Variants in FXR1 observed in about 807,000 individuals in gnomAD.
The protein encoded by FXR1 is FMR1 autosomal homolog 1.
Under a neutral mutation model 84.0 loss-of-function variants are expected in FXR1, and 15 were observed. The ratio of observed to expected loss-of-function variants is 0.18; its 90% confidence interval spans 0.12 to 0.27. The LOEUF (loss-of-function observed/expected upper bound fraction) is 0.27. Ranked by LOEUF, FXR1 falls within the 10% of genes least tolerant of loss-of-function variation. The pLI is 1.00. For synonymous variants in FXR1, 245 were observed against 250.7 expected (o/e 0.98, Z 0.21); for missense variants, 480 against 774.4 (o/e 0.62, Z 4.51).
chr3:180,961,083 T>C (rs1052721869), intron 10 of FXR1, among the ~76,000 whole-genome samples: 1 of 152,004 alleles, frequency 6.6e-6, no homozygotes, highest in African/African-American at 2.4e-5. Flanking sequence ...GTAACCTCTT[T>C]ACGAAGTCAA....
At chr3:180,935,601 G>GT (rs1559986848) in intron 3 of FXR1, among the ~76,000 whole-genome samples, 4 of 152,230 alleles carry the variant, frequency 2.6e-5, no homozygotes, top group South Asian at 4.1e-4. Context: ...TCTTTATGAG[G>GT]TGTTAATAGT....
In FXR1 at chr3:180,941,976, T is replaced by C. The variant is rs551377913; in HGVS notation, c.199-5889T>C. ...CCTTATGATTGATTATTTAGTTTAA[T>C]AGTAAATAATAGGAAAATTTCTTTG... On this transcript the variant is annotated intron_variant, in intron 3 of 16. Coordinates refer to ENST00000357559, the MANE Select transcript of FXR1 (RefSeq NM_005087.4). 3.2e-4 allele frequency among the ~76,000 whole-genome samples: 49 copies of C among 152,342 alleles called. 1 individual carries two copies. In the South Asian group the frequency reaches 9.7e-3, roughly 30 times the overall value.
At chr3:180,947,354 G>T (rs979914597) in intron 3 of FXR1, among the ~76,000 whole-genome samples, 4 of 152,144 alleles carry the variant, frequency 2.6e-5, no homozygotes, top group East Asian at 1.9e-4. Flanking sequence ...GCCTGGATAG[G>T]AATTTTGTAA....
intron 1 of FXR1, among the ~76,000 whole-genome samples, chr3:180,927,475 T>C (rs1719362736): frequency 6.6e-6 from 1 of 152,140 alleles, no homozygotes; most frequent in Non-Finnish European, 1.5e-5. Context: ...TATTAATCTT[T>C]TAACTCCTGA....
At chr3:180,926,506 A>ATATTTTTT (rs72192827) in intron 1 of FXR1, among the ~76,000 whole-genome samples, 74 of 124,360 alleles carry the variant, frequency 6.0e-4, no homozygotes, top group Middle Eastern at 8.4e-3. Flanking sequence ...ATATATATAT[A>ATATTTTTT]TTTTTTTTTC....
At chr3:180,945,289 T>C (rs1343416911) in intron 3 of FXR1, among the ~76,000 whole-genome samples, 1 of 152,262 alleles carries the variant, frequency 6.6e-6, no homozygotes, top group Non-Finnish European at 1.5e-5. Flanking sequence ...TTTTTGCATT[T>C]CATTATCTTT....
At chr3:180,929,910 G>A (rs115555658) in intron 1 of FXR1, among the ~76,000 whole-genome samples, 3,562 of 152,320 alleles carry the variant, frequency 0.023, 72 homozygotes, top group Non-Finnish European at 0.038. Flanking sequence ...TAGATTTTAA[G>A]GACTTGGTGT....
intron 1 of FXR1, among the ~76,000 whole-genome samples, chr3:180,924,840 T>A (rs1718982631): frequency 6.6e-6 from 1 of 152,190 alleles, no homozygotes; most frequent in African/African-American, 2.4e-5. Flanking sequence ...TCAGAGGCAC[T>A]GTACCATGAA....
chr3:180,970,306 G>C lies in FXR1; in HGVS notation c.1551G>C (p.Leu517=), dbSNP rs1177252285. Residue 517 remains leucine, a synonymous_variant, in exon 15 of 17, where the codon CTG becomes CTC. Coordinates refer to ENST00000357559, the MANE Select transcript of FXR1 (RefSeq NM_005087.4). ...RRRRTDEDAV[L]MDGMTESDTA... Reference sequence around the variant, plus strand: ...GAAGGACTGATGAAGATGCTGTTCTGATGGATGGAATGACTGAATCTGATA... The same window carrying C: ...GAAGGACTGATGAAGATGCTGTTCTCATGGATGGAATGACTGAATCTGATA... 1.2e-6 allele frequency: 2 copies of C among 1,605,790 alleles called. No homozygotes were observed. Among genetic ancestry groups the C allele is most frequent in the Admixed American group, 1.7e-5 (1 of 59,490 alleles).
intron 14 of FXR1, among the ~76,000 whole-genome samples, chr3:180,969,565 T>C (rs542427424): frequency 4.6e-5 from 7 of 152,230 alleles, no homozygotes; most frequent in Non-Finnish European, 1.0e-4. Flanking sequence ...CATTTTCCTT[T>C]CATAACCAGT....
chr3:180,982,469 A>T lies in FXR1; in HGVS notation c.*6177A>T, dbSNP rs756790926. On this transcript the variant is annotated 3_prime_UTR_variant, in exon 17 of 17. Transcript: ENST00000357559. ...AAAACTGATTACTATGCAAGAAAAAAATGTGCTCTGCTGTGCTCCTTGGTA... is the reference window on the plus strand; with the variant it reads ...AAAACTGATTACTATGCAAGAAAAATATGTGCTCTGCTGTGCTCCTTGGTA... The T allele has an allele frequency of 6.6e-6, 1 of 152,144 alleles. No homozygotes were observed. Among genetic ancestry groups the T allele is most frequent in the Non-Finnish European group, 1.5e-5 (1 of 67,998 alleles). 9.4% of individuals were successfully genotyped at this position (152,144 alleles called of 1,614,324 possible).
chr3:180,919,694 G>A (rs545037659), intron 1 of FXR1, among the ~76,000 whole-genome samples: 4 of 151,682 alleles, frequency 2.6e-5, no homozygotes, highest in Non-Finnish European at 5.9e-5. Flanking sequence ...TTTATTTTGA[G>A]ATGGAGTCTT....
rs756970817 is a variant in FXR1 at position 180,970,401 on chromosome 3, T to TAC, written c.1603+44_1603+45insCA. The TAC allele has an allele frequency of 1.2e-4, 34 of 284,500 alleles. 1 individual carries two copies. The Middle Eastern group carries it at 7.1e-3, about 59-fold the overall frequency. The allele number at this position is 284,500 out of a possible 1,614,324, so 17.6% of individuals were successfully genotyped here. A position where few individuals can be genotyped will look rare whatever the true frequency, so the allele number is the denominator to read the frequency against. ...GAAGAGAAATATATATATATATATATATATATATATATATATATATAATTG... is the reference window on the plus strand; with the variant it reads ...GAAGAGAAATATATATATATATATATACATATATATATATATATATATAATTG... On this transcript the variant is annotated intron_variant, in intron 15 of 16. Transcript: ENST00000357559.
At chr3:180,952,809 T>TA (rs1560005336) in intron 8 of FXR1, among the ~76,000 whole-genome samples, 6 of 150,056 alleles carry the variant, frequency 4.0e-5, no homozygotes, top group Admixed American at 6.7e-5. Flanking sequence ...GTTTTAAAAT[T>TA]TAAAAAAAAT....
intron 1 of FXR1, among the ~76,000 whole-genome samples, chr3:180,921,389 AC>A (rs201249655): frequency 1.5e-4 from 23 of 151,734 alleles, no homozygotes; most frequent in Admixed American, 1.3e-3. Context: ...AAAAAAAAAA[AC>A]TTGTAATAAT....
intron 10 of FXR1, among the ~76,000 whole-genome samples, chr3:180,959,565 TAAATC>T (rs1180595458): frequency 1.3e-5 from 2 of 152,126 alleles, no homozygotes; most frequent in African/African-American, 2.4e-5. Context: ...AAATGAGTAT[TAAATC>T]AAATACATGA....
At chr3:180,958,974 A>T (rs893655780) in intron 10 of FXR1, among the ~76,000 whole-genome samples, 2 of 151,620 alleles carry the variant, frequency 1.3e-5, no homozygotes, top group Non-Finnish European at 2.9e-5. Flanking sequence ...CGCCCAGCTA[A>T]TTTTTGCATT....
At chr3:180,945,620 G>T (rs192681740) in intron 3 of FXR1, among the ~76,000 whole-genome samples, 1 of 152,222 alleles carries the variant, frequency 6.6e-6, no homozygotes, top group Non-Finnish European at 1.5e-5. Flanking sequence ...GTTGTCCAGG[G>T]TGGTCTTGAA....
chr3:180,924,988 T>C (rs112533149), intron 1 of FXR1, among the ~76,000 whole-genome samples: 197 of 152,310 alleles, frequency 1.3e-3, no homozygotes, highest in African/African-American at 4.6e-3. Flanking sequence ...TTAAAACATA[T>C]TCATATTCAG....
Sources: gnomAD v4.1 joint callset for allele counts (sites outside exome capture counted in the v4.1 genomes callset) on GRCh38, gnomAD v4.1.1 for gene constraint, MANE v1.5 for transcripts, NCBI Gene and HGNC (gene_info 2026-07-23, HGNC 2026-07-21) for gene names.